Variants in CSPP1 observed in about 807,000 individuals in gnomAD.
The protein encoded by CSPP1 is centrosome and spindle pole associated protein 1, also known as centrosome and spindle pole-associated protein 1.
Under a neutral mutation model 164.4 loss-of-function variants are expected in CSPP1, and 126 were observed. The observed-to-expected ratio is 0.77, with a 90% CI of 0.66 to 0.89. CSPP1 has a LOEUF of 0.89. Ranked by LOEUF, CSPP1 falls within the 40% of genes least tolerant of loss-of-function variation. CSPP1 has a pLI of 0.00. For missense variants in CSPP1, 1,395 were observed against 1,449.8 expected (o/e 0.96, Z 0.61); for synonymous variants, 472 against 476.7 (o/e 0.99, Z 0.13).
intron 16 of CSPP1, chr8:67,134,191 G>C (rs1394124076): frequency 3.3e-5 from 5 of 152,194 alleles, no homozygotes; most frequent in African/African-American, 1.2e-4. Context: ...AGGGCTTTCA[G>C]TTTAGATTTC....
At chr8:67,102,493 G>A (rs1400547738) in intron 7 of CSPP1, among the ~76,000 whole-genome samples, 2 of 152,116 alleles carry the variant, frequency 1.3e-5, no homozygotes, top group African/African-American at 4.8e-5. Flanking sequence ...GGGAGGCTGA[G>A]GCAGGGGAAT....
intron 1 of CSPP1, among the ~76,000 whole-genome samples, chr8:67,066,097 C>A (rs1425333172): frequency 6.6e-6 from 1 of 152,210 alleles, no homozygotes; most frequent in East Asian, 1.9e-4. Context: ...ATTTATGCTA[C>A]TGCCGTTAAT....
intron 24 of CSPP1, among the ~76,000 whole-genome samples, chr8:67,167,666 G>A (rs921033676): frequency 1.6e-4 from 25 of 151,958 alleles, no homozygotes; most frequent in Admixed American, 7.2e-4. Context: ...ACAGGGTTGC[G>A]GCCGGGCAGA....
intron 28 of CSPP1, among the ~76,000 whole-genome samples, chr8:67,184,744 T>TAATAATAATAATAATAATA (rs1554621539): frequency 4.2e-5 from 6 of 142,498 alleles, no homozygotes; most frequent in African/African-American, 1.6e-4. Flanking sequence ...AATAAAAAAA[T>TAATAATAATAATAATAATA]ATAATAATAA....
At chr8:67,167,235 G>A (rs1158197485) in intron 24 of CSPP1, among the ~76,000 whole-genome samples, 2 of 152,204 alleles carry the variant, frequency 1.3e-5, no homozygotes, top group Admixed American at 1.3e-4. Context: ...ATGAGCTGTT[G>A]GGTACACCTC....
chr8:67,143,917 C>T (rs900846342), intron 17 of CSPP1, among the ~76,000 whole-genome samples: 5 of 152,030 alleles, frequency 3.3e-5, no homozygotes, highest in African/African-American at 1.2e-4. Context: ...TATTTCTTTC[C>T]AATCTGATGC....
At chr8:67,122,546 T>C (rs185631684) in intron 15 of CSPP1, among the ~76,000 whole-genome samples, 1 of 152,370 alleles carries the variant, frequency 6.6e-6, no homozygotes, top group East Asian at 1.9e-4. Flanking sequence ...TTCCCAAATA[T>C]CCTTCTGTTA....
chr8:67,116,994 G>C (rs1041569219), intron 13 of CSPP1, among the ~76,000 whole-genome samples: 2 of 152,138 alleles, frequency 1.3e-5, no homozygotes, highest in East Asian at 3.9e-4. Flanking sequence ...GGAATTAACA[G>C]AGCATTTTAT....
chr8:67,152,004 C>T (rs976877275), intron 18 of CSPP1, among the ~76,000 whole-genome samples: 2 of 149,124 alleles, frequency 1.3e-5, no homozygotes, highest in Non-Finnish European at 3.0e-5. Flanking sequence ...AGGAGAATTG[C>T]TTGAACCCGG....
intron 9 of CSPP1, among the ~76,000 whole-genome samples, chr8:67,108,658 T>C (rs1289327634): frequency 6.6e-6 from 1 of 152,202 alleles, no homozygotes; most frequent in East Asian, 1.9e-4. Context: ...CTCCGCAGTA[T>C]ATTGCTGTTG....
chr8:67,064,573 G>A (rs1030969385), intron 1 of CSPP1, 35 bp downstream of exon 1: 2 of 1,559,918 alleles, frequency 1.3e-6, no homozygotes, highest in Admixed American at 1.9e-5. Flanking sequence ...GAGGGTGGAG[G>A]GTCCTGGGGC....
intron 15 of CSPP1, among the ~76,000 whole-genome samples, chr8:67,124,367 A>G (rs1819637171): frequency 6.6e-6 from 1 of 151,988 alleles, no homozygotes; most frequent in Admixed American, 6.6e-5. Flanking sequence ...TGGTACACAA[A>G]CCTTTTCTCT....
chr8:67,171,487 C>T (rs769853717), intron 24 of CSPP1, among the ~76,000 whole-genome samples: 1 of 152,030 alleles, frequency 6.6e-6, no homozygotes, highest in Non-Finnish European at 1.5e-5. Flanking sequence ...CTCCTGGGCT[C>T]AATCAATCCT....
chr8:67,185,099 C>T (rs1442945404), intron 28 of CSPP1, among the ~76,000 whole-genome samples: 2 of 145,408 alleles, frequency 1.4e-5, no homozygotes, highest in African/African-American at 2.7e-5. Context: ...AGCAAGACTC[C>T]GTCTCAAAAA....
intron 1 of CSPP1, among the ~76,000 whole-genome samples, chr8:67,066,823 C>G (rs1805665438): frequency 1.3e-5 from 2 of 152,152 alleles, no homozygotes; most frequent in African/African-American, 2.4e-5. Flanking sequence ...GAGTCTCACT[C>G]TGTTACCCAT....
chr8:67,104,968 T>TATA (rs58594151), intron 8 of CSPP1, among the ~76,000 whole-genome samples: 308 of 78,258 alleles, frequency 3.9e-3, no homozygotes, highest in African/African-American at 0.02. Flanking sequence ...ATATATATAT[T>TATA]TTTTTTTTTT....
At chr8:67,130,121 G>C (rs777847395) in intron 15 of CSPP1, among the ~76,000 whole-genome samples, 1 of 152,154 alleles carries the variant, frequency 6.6e-6, no homozygotes, top group African/African-American at 2.4e-5. Context: ...GTTCCATGGG[G>C]CTCACTTTGG....
At chr8:67,159,836 T>C (rs1221635687) in intron 21 of CSPP1, among the ~76,000 whole-genome samples, 14 of 128,716 alleles carry the variant, frequency 1.1e-4, no homozygotes, top group African/African-American at 5.2e-4. Context: ...CTCTCTTTCT[T>C]TCTTTCTTTC....
At chr8:67,113,739 G>A in intron 10 of CSPP1, 66 bp from the exon 11 acceptor site, 1 of 808,118 alleles carries the variant, frequency 1.2e-6, no homozygotes, top group Non-Finnish European at 2.0e-6. Context: ...GCTTCTTTCA[G>A]TGATGATTTA....
Sources: allele counts gnomAD v4.1 joint callset (sites outside exome capture counted in the v4.1 genomes callset), GRCh38; gene constraint gnomAD v4.1.1; transcripts MANE v1.5; gene names NCBI Gene and HGNC (gene_info 2026-07-23, HGNC 2026-07-21).